SYT9: variants seen among roughly 807,000 people sequenced by gnomAD.
SYT9 encodes the protein synaptotagmin 9, also known as synaptotagmin-9.
A neutral mutation model predicts 48.4 loss-of-function variants in SYT9; 22 were observed. The observed-to-expected ratio is 0.45, with a 90% CI of 0.32 to 0.65. SYT9 has a LOEUF of 0.65. Among genes scored for constraint, SYT9 ranks in the 30% least tolerant of loss-of-function variants. The probability of loss-of-function intolerance (pLI) is 0.03; values close to 1 mark genes in which losing one functional copy is unlikely to be tolerated. For synonymous variants in SYT9, 265 were observed against 245.0 expected, an observed-to-expected ratio of 1.08 and a Z score of -0.76; for missense variants, 577 against 622.0, an observed-to-expected ratio of 0.93 and a Z score of 0.77.
exon 1 of SYT9, chr11:7,238,820 TCA>T (rs1215565653): frequency 2.2e-6 from 1 of 455,704 alleles, no homozygotes; most frequent in Non-Finnish European, 4.4e-6. Flanking sequence ...GCCTGAGACT[TCA>T]ATTTGGGAAA....
chr11:7,323,887 A>AT (rs74309140), intron 3 of SYT9, among the ~76,000 whole-genome samples: 3 of 151,048 alleles, frequency 2.0e-5, no homozygotes, highest in Admixed American at 6.6e-5. Flanking sequence ...TCAAACTGTG[A>AT]TTTTTTTTTC....
intron 2 of SYT9, among the ~76,000 whole-genome samples, chr11:7,312,289 A>G (rs1849150723): frequency 6.6e-6 from 1 of 152,210 alleles, no homozygotes; most frequent in Admixed American, 6.5e-5. Flanking sequence ...CATTGTCTGA[A>G]GAAAGGAAGA....
At chr11:7,314,012 A>G (rs1284010440) in intron 3 of SYT9, 71 bp downstream of exon 3, 35 of 1,510,546 alleles carry the variant, frequency 2.3e-5, no homozygotes, top group Middle Eastern at 1.9e-4. Flanking sequence ...TTACTTACAC[A>G]TTATCTTGAG....
intron 6 of SYT9, among the ~76,000 whole-genome samples, chr11:7,455,547 C>A (rs548820494): frequency 5.4e-4 from 82 of 151,916 alleles, no homozygotes; most frequent in Non-Finnish European, 1.0e-3. Flanking sequence ...ACCATGTTGC[C>A]CAGGCTGGTC....
At chr11:7,301,110 T>G (rs1256177320) in intron 1 of SYT9, among the ~76,000 whole-genome samples, 2 of 152,264 alleles carry the variant, frequency 1.3e-5, no homozygotes, top group African/African-American at 4.8e-5. Context: ...ACTGATGAAT[T>G]GATGATGCCC....
upstream of SYT9, among the ~76,000 whole-genome samples, chr11:7,248,794 A>T (rs939871620): frequency 6.6e-6 from 1 of 152,218 alleles, no homozygotes; most frequent in Non-Finnish European, 1.5e-5. Flanking sequence ...TTCCCATCAA[A>T]ATACCACCAT....
intron 1 of SYT9, among the ~76,000 whole-genome samples, chr11:7,287,873 A>T (rs188405922): frequency 1.9e-3 from 297 of 152,354 alleles, no homozygotes; most frequent in Non-Finnish European, 3.2e-3. Context: ...TATGGAATTT[A>T]TGAAAAGACA....
intron 1 of SYT9, among the ~76,000 whole-genome samples, chr11:7,279,185 A>G (rs1031733424): frequency 3.9e-5 from 6 of 152,154 alleles, no homozygotes; most frequent in African/African-American, 1.2e-4. Context: ...ATCTCTGGCA[A>G]AGTCCTAAGC....
intron 3 of SYT9, among the ~76,000 whole-genome samples, chr11:7,376,812 A>G (rs1589982534): frequency 6.6e-6 from 1 of 151,986 alleles, no homozygotes. Context: ...ATTTAGGGTC[A>G]GAGAGAGCAT....
At chr11:7,361,105 C>CTTTTTCCT (rs1454180559) in intron 3 of SYT9, among the ~76,000 whole-genome samples, 1 of 151,934 alleles carries the variant, frequency 6.6e-6, no homozygotes, top group Non-Finnish European at 1.5e-5. Context: ...AAGGAAATAA[C>CTTTTTCCT]TAATTTTAAA....
chr11:7,380,770 C>T (rs1413741908), intron 3 of SYT9, among the ~76,000 whole-genome samples: 4 of 152,146 alleles, frequency 2.6e-5, no homozygotes, highest in Admixed American at 6.6e-5. Context: ...TTCTGGTAGC[C>T]ATATCGCATT....
intron 1 of SYT9, among the ~76,000 whole-genome samples, chr11:7,243,150 GA>G (rs1156713145): frequency 1.3e-5 from 2 of 151,908 alleles, no homozygotes; most frequent in Non-Finnish European, 2.9e-5. Context: ...TATATATAGA[GA>G]AAAAATATTT....
At chr11:7,448,836 G>A (rs1014121182) in intron 6 of SYT9, among the ~76,000 whole-genome samples, 3 of 152,128 alleles carry the variant, frequency 2.0e-5, no homozygotes, top group Non-Finnish European at 4.4e-5. Flanking sequence ...GTGGCTTCAC[G>A]GTGGATGGGT....
intron 3 of SYT9, among the ~76,000 whole-genome samples, chr11:7,408,434 A>G (rs997167503): frequency 6.6e-6 from 1 of 152,180 alleles, no homozygotes; most frequent in African/African-American, 2.4e-5. Flanking sequence ...AGCCAGTAGT[A>G]TGGTCATTTT....
intron 1 of SYT9, among the ~76,000 whole-genome samples, chr11:7,300,207 C>G (rs1457408754): frequency 6.6e-6 from 1 of 151,740 alleles, no homozygotes; most frequent in Non-Finnish European, 1.5e-5. Flanking sequence ...ATCTGTGGAT[C>G]AGCTGTAGCT....
Position 7,468,273 on chromosome 11 carries a change from GA to G in SYT9, c.*1476del. The G allele has an allele frequency of 2.5e-6, 1 of 398,672 alleles. No individual in the cohort carries two copies. Among genetic ancestry groups the G allele is most frequent in the East Asian group, 3.6e-5 (1 of 28,076 alleles). The allele number at this position is 398,672 out of a possible 1,614,324, so 24.7% of individuals were successfully genotyped here. ...GAGGAAGGATCGTTATACGTCTTCA[GA>G]AAGTTCTCATTGCCCCAGCTGCCTA... On this transcript the variant is annotated 3_prime_UTR_variant, in exon 7 of 7. Transcript: ENST00000318881.
intron 6 of SYT9, among the ~76,000 whole-genome samples, chr11:7,428,726 G>A (rs1847512752): frequency 6.6e-6 from 1 of 152,204 alleles, no homozygotes; most frequent in Non-Finnish European, 1.5e-5. Context: ...CTCATTTGTT[G>A]AGACTTTGAA....
At chr11:7,345,677 T>C (rs1266158235) in intron 3 of SYT9, among the ~76,000 whole-genome samples, 4 of 152,066 alleles carry the variant, frequency 2.6e-5, no homozygotes, top group African/African-American at 9.7e-5. Flanking sequence ...TATAAAAAAA[T>C]CAAAAAACAG....
intron 3 of SYT9, among the ~76,000 whole-genome samples, chr11:7,380,758 G>A (rs1182396579): frequency 6.6e-6 from 1 of 152,140 alleles, no homozygotes; most frequent in African/African-American, 2.4e-5. Flanking sequence ...AGCAAAATGA[G>A]TTTCTGGTAG....
Sources: allele counts gnomAD v4.1 joint callset (sites outside exome capture counted in the v4.1 genomes callset), GRCh38; gene constraint gnomAD v4.1.1; transcripts MANE v1.5; gene names NCBI Gene and HGNC (gene_info 2026-07-23, HGNC 2026-07-21).